PACS1: variants seen among roughly 807,000 people sequenced by gnomAD.
The protein encoded by PACS1 is phosphofurin acidic cluster sorting protein 1.
A neutral mutation model predicts 115.0 loss-of-function variants in PACS1; 24 were observed. The observed-to-expected ratio is 0.21, with a 90% CI of 0.15 to 0.29. The LOEUF (loss-of-function observed/expected upper bound fraction) is 0.29. Ranked by LOEUF, PACS1 falls within the 10% of genes least tolerant of loss-of-function variation. PACS1 has a pLI of 1.00. For synonymous variants in PACS1, 453 were observed against 504.5 expected (o/e 0.90, Z 1.37); for missense variants, 838 against 1,251.2 (o/e 0.67, Z 4.98).
Position 66,243,277 on chromosome 11 carries a change from C to T in PACS1, c.2889C>T (p.Thr963=), listed in dbSNP as rs994521054. 8 of 1,573,648 alleles carry T rather than the reference C, an allele frequency of 5.1e-6. No homozygotes were observed. Among genetic ancestry groups the T allele is most frequent in the Non-Finnish European group, 6.9e-6 (8 of 1,157,292 alleles). ...GACTCTTCAGTGGCAGCAAGGCCAC[C>T]TGAGGCCCTGTCTCCCAGCCACTTT... The part of the protein sequence containing the change: ...PVGLFSGSKA[T] The change falls in exon 24 of 24, where the codon ACC becomes ACT. Residue 963 remains threonine (T), a synonymous_variant. Transcript: ENST00000320580.
At chr11:66,112,124 C>T (rs1285355804) in intron 1 of PACS1, among the ~76,000 whole-genome samples, 1 of 152,256 alleles carries the variant, frequency 6.6e-6, no homozygotes, top group Non-Finnish European at 1.5e-5. Flanking sequence ...TTCTTCTCTA[C>T]ACTGCCGGCA....
At chr11:66,077,845 G>C (rs1349075925) in intron 1 of PACS1, among the ~76,000 whole-genome samples, 1 of 151,862 alleles carries the variant, frequency 6.6e-6, no homozygotes, top group Non-Finnish European at 1.5e-5. Context: ...TGGGATTCCA[G>C]GCATGCACCA....
At chr11:66,168,752 A>ATG (rs34140940) in intron 1 of PACS1, among the ~76,000 whole-genome samples, 28,013 of 99,000 alleles carry the variant, frequency 0.28, 3,241 homozygotes, top group East Asian at 0.49. Flanking sequence ...ATATATATAT[A>ATG]TGTGTGTGTG....
intron 1 of PACS1, among the ~76,000 whole-genome samples, chr11:66,178,650 G>A (rs1038336489): frequency 6.6e-6 from 1 of 151,814 alleles, no homozygotes. Context: ...AAATAAAAAT[G>A]GATGTTTTTA....
At chr11:66,221,291 G>A (rs915369048) in intron 10 of PACS1, 44 bp downstream of exon 10, 1 of 1,524,014 alleles carries the variant, frequency 6.6e-7, no homozygotes, top group South Asian at 1.1e-5. Context: ...ACCGTGGCAT[G>A]TCAGGGCTCG....
chr11:66,237,387 C>T (rs1188639368), intron 19 of PACS1, among the ~76,000 whole-genome samples: 2 of 152,204 alleles, frequency 1.3e-5, no homozygotes, highest in African/African-American at 4.8e-5. Flanking sequence ...TTGTAATTTC[C>T]TTGAGGCTCC....
chr11:66,141,627 CT>C (rs1858989543), intron 1 of PACS1, among the ~76,000 whole-genome samples: 1 of 150,192 alleles, frequency 6.7e-6, no homozygotes, highest in Non-Finnish European at 1.5e-5. Context: ...GTACTCTAGC[CT>C]GGGCAACAGA....
chr11:66,088,355 T>A (rs1386850380), intron 1 of PACS1, among the ~76,000 whole-genome samples: 1 of 152,212 alleles, frequency 6.6e-6, no homozygotes, highest in Admixed American at 6.5e-5. Context: ...AGATGTCCTC[T>A]ACTGTTTTCT....
chr11:66,152,304 T>C (rs1044541098), intron 1 of PACS1, among the ~76,000 whole-genome samples: 1 of 152,188 alleles, frequency 6.6e-6, no homozygotes, highest in Non-Finnish European at 1.5e-5. Context: ...CCGTTGAAGA[T>C]AGATCAATAG....
At chr11:66,120,589 G>A (rs1858414964) in intron 1 of PACS1, among the ~76,000 whole-genome samples, 1 of 152,190 alleles carries the variant, frequency 6.6e-6, no homozygotes, top group Non-Finnish European at 1.5e-5. Flanking sequence ...ATTAGATTGT[G>A]GTTAAGGGCA....
intron 1 of PACS1, among the ~76,000 whole-genome samples, chr11:66,162,797 C>A (rs954658415): frequency 1.3e-5 from 2 of 152,136 alleles, no homozygotes; most frequent in African/African-American, 4.8e-5. Context: ...AAGACTAATG[C>A]GTCTATTATG....
intron 1 of PACS1, among the ~76,000 whole-genome samples, chr11:66,172,965 ACT>A (rs1258818602): frequency 2.2e-5 from 3 of 133,844 alleles, no homozygotes; most frequent in South Asian, 2.3e-4. Context: ...ACACAGCGAG[ACT>A]CTGTCTCAAA....
intron 1 of PACS1, among the ~76,000 whole-genome samples, chr11:66,088,714 AAGGTAGTCTTTG>A (rs1266870074): frequency 5.9e-5 from 9 of 152,106 alleles, no homozygotes; most frequent in African/African-American, 2.2e-4. Context: ...TAATTGCCTT[AAGGTAGTCTTTG>A]CCTTTTGTGT....
At chr11:66,124,670 C>G (rs1858529251) in intron 1 of PACS1, among the ~76,000 whole-genome samples, 1 of 152,192 alleles carries the variant, frequency 6.6e-6, no homozygotes, top group Admixed American at 6.5e-5. Flanking sequence ...CTCTGCCTTT[C>G]ATTACTGCAT....
chr11:66,114,479 T>C (rs2134550489), intron 1 of PACS1, among the ~76,000 whole-genome samples: 1 of 151,826 alleles, frequency 6.6e-6, no homozygotes, highest in South Asian at 2.1e-4. Flanking sequence ...GCCTATCTCA[T>C]ACTTTTTAAT....
intron 2 of PACS1, among the ~76,000 whole-genome samples, chr11:66,201,677 G>A (rs61890328): frequency 2.9e-5 from 4 of 137,862 alleles, no homozygotes; most frequent in Non-Finnish European, 4.7e-5. Flanking sequence ...TTTTTTTTCT[G>A]AGACGGAGTT....
chr11:66,214,577 T>C, intron 4 of PACS1, among the ~76,000 whole-genome samples: 2 of 137,422 alleles, frequency 1.5e-5, no homozygotes, highest in Admixed American at 7.3e-5. Flanking sequence ...TCCTTCCTTC[T>C]CTCTCTCGCT....
chr11:66,132,797 T>C (rs1858733802), intron 1 of PACS1, among the ~76,000 whole-genome samples: 1 of 152,202 alleles, frequency 6.6e-6, no homozygotes, highest in Non-Finnish European at 1.5e-5. Context: ...GTCTGCTGAT[T>C]AGCTGGGATT....
At chr11:66,167,666 T>A (rs1209979688) in intron 1 of PACS1, among the ~76,000 whole-genome samples, 6 of 150,284 alleles carry the variant, frequency 4.0e-5, no homozygotes, top group Non-Finnish European at 5.9e-5. Context: ...GCCTTTCACA[T>A]ATAAGTATTT....
Sources: gnomAD v4.1 joint callset for allele counts (sites outside exome capture counted in the v4.1 genomes callset) on GRCh38, gnomAD v4.1.1 for gene constraint, MANE v1.5 for transcripts, NCBI Gene and HGNC (gene_info 2026-07-23, HGNC 2026-07-21) for gene names.